LARGE1: variants seen among roughly 807,000 people sequenced by gnomAD.
LARGE1 encodes LARGE xylosyl- and glucuronyltransferase 1.
LARGE1 carries 43 observed loss-of-function variants against 87.6 expected under a neutral mutation model. The observed-to-expected ratio is 0.49, with a 90% CI of 0.38 to 0.63. The LOEUF (loss-of-function observed/expected upper bound fraction) is 0.63. Ranked by LOEUF, LARGE1 falls within the 30% of genes least tolerant of loss-of-function variation. The pLI, the probability that LARGE1 is intolerant of heterozygous loss-of-function variation, is 0.00. For missense variants in LARGE1, 802 were observed against 1,000.2 expected, an observed-to-expected ratio of 0.80 and a Z score of 2.67; for synonymous variants, 434 against 394.6, an observed-to-expected ratio of 1.10 and a Z score of -1.18.
At chr22:33,201,262 T>C (rs374907495) in intron 11 of LARGE1, among the ~76,000 whole-genome samples, 24 of 151,720 alleles carry the variant, frequency 1.6e-4, no homozygotes, top group African/African-American at 5.8e-4. Context: ...GAGCTGAGAC[T>C]GTGCCATTGC....
intron 11 of LARGE1, among the ~76,000 whole-genome samples, chr22:33,305,358 T>TAAAAA (rs60727771): frequency 6.1e-5 from 6 of 98,620 alleles, no homozygotes; most frequent in African/African-American, 1.7e-4. Context: ...GGGAAAAAAT[T>TAAAAA]AAAAAAAAAA....
At chr22:33,782,631 C>T (rs758320770) in intron 1 of LARGE1, among the ~76,000 whole-genome samples, 17 of 152,092 alleles carry the variant, frequency 1.1e-4, no homozygotes, top group Non-Finnish European at 2.2e-4. Context: ...CTTTGGGAGG[C>T]CGAGGCGGGC....
At chr22:33,542,621 C>T (rs1165463492) in intron 6 of LARGE1, among the ~76,000 whole-genome samples, 1 of 150,350 alleles carries the variant, frequency 6.7e-6, no homozygotes, top group Non-Finnish European at 1.5e-5. Flanking sequence ...GCCAGCAGGA[C>T]TTACTGGAAG....
At chr22:33,256,634 GGAA>G (rs1465359669) in intron 11 of LARGE1, among the ~76,000 whole-genome samples, 2 of 152,092 alleles carry the variant, frequency 1.3e-5, no homozygotes, top group East Asian at 3.9e-4. Context: ...TCATGCATGT[GGAA>G]GAAGAAAGAA....
chr22:33,775,517 C>CT (rs397783891), intron 1 of LARGE1, among the ~76,000 whole-genome samples: 2 of 151,548 alleles, frequency 1.3e-5, no homozygotes, highest in African/African-American at 4.9e-5. Flanking sequence ...TAATTTACCC[C>CT]AGGGGACATT....
At chr22:33,859,948 T>C (rs1307835741) in intron 1 of LARGE1, among the ~76,000 whole-genome samples, 1 of 152,156 alleles carries the variant, frequency 6.6e-6, no homozygotes, top group Admixed American at 6.5e-5. Context: ...AGAATGCTGC[T>C]TGCCAGGGGC....
intron 1 of LARGE1, among the ~76,000 whole-genome samples, chr22:33,852,939 G>A (rs1318814797): frequency 6.6e-6 from 1 of 151,190 alleles, no homozygotes; most frequent in Non-Finnish European, 1.5e-5. Flanking sequence ...AACAGAACAG[G>A]GTAAAGAGGG....
At chr22:33,818,107 T>A (rs959839062) in intron 1 of LARGE1, among the ~76,000 whole-genome samples, 6 of 152,176 alleles carry the variant, frequency 3.9e-5, no homozygotes, top group Non-Finnish European at 7.3e-5. Context: ...GGATGGTTCA[T>A]GTCTCCACCC....
At chr22:33,904,076 C>G (rs2065363378) in intron 1 of LARGE1, among the ~76,000 whole-genome samples, 1 of 152,186 alleles carries the variant, frequency 6.6e-6, no homozygotes, top group African/African-American at 2.4e-5. Context: ...CCCAGCTTCT[C>G]TCCTAGAATG....
rs562387061 is a variant in LARGE1 at position 33,399,141 on chromosome 22, C to T, written c.893-14837G>A. On this transcript the variant is annotated intron_variant, in intron 7 of 14. Transcript: ENST00000397394. ...CTAATTCTCTCCCTCCGCTTCCCCC[C>T]GCCCCGACCAAGAGGCCCCCATGTG... Among the ~76,000 whole-genome samples the T allele has an allele frequency of 2.6e-4, 39 of 152,212 alleles. No homozygotes were observed. In the Middle Eastern group the frequency reaches 0.014, roughly 53 times the overall value.
At chr22:33,766,695 G>A (rs1034604617) in intron 1 of LARGE1, among the ~76,000 whole-genome samples, 4 of 151,778 alleles carry the variant, frequency 2.6e-5, no homozygotes, top group African/African-American at 9.7e-5. Flanking sequence ...AAAGTGCTGG[G>A]ATTACAAGCA....
At position 33,334,416 on chromosome 22, in the gene LARGE1, AAAAAAAC is replaced by A. The variant is rs1174015798; in HGVS notation, c.1287+3223_1287+3229del. 5.2e-3 allele frequency among the ~76,000 whole-genome samples: 734 copies of A among 141,264 alleles called. 11 individuals are homozygous for A. Among genetic ancestry groups the A allele is most frequent in the Non-Finnish European group, 7.5e-3 (492 of 65,844 alleles). 92.7% of individuals were successfully genotyped at this position (141,264 alleles called of 152,430 possible). On this transcript the variant is annotated intron_variant, in intron 10 of 14. Coordinates refer to ENST00000397394, the MANE Select transcript of LARGE1 (RefSeq NM_133642.5). ...CAGAGCAAGACTCTGTCTCAAAAAA[AAAAAAAC>A]AAAAAAAAAAAACACCAAACAAAAA... is the stretch of plus-strand genomic sequence containing the variant.
At chr22:33,784,285 TTG>T (rs561195295) in intron 1 of LARGE1, among the ~76,000 whole-genome samples, 98 of 152,298 alleles carry the variant, frequency 6.4e-4, no homozygotes, top group African/African-American at 2.3e-3. Flanking sequence ...TTCACATACG[TTG>T]TCTTACTAAA....
At chr22:33,371,732 C>G (rs1469054088) in intron 9 of LARGE1, among the ~76,000 whole-genome samples, 2 of 152,098 alleles carry the variant, frequency 1.3e-5, no homozygotes, top group African/African-American at 4.8e-5. Context: ...CGCCTATAAT[C>G]CCAGCACTTT....
intron 5 of LARGE1, among the ~76,000 whole-genome samples, chr22:33,573,124 T>C (rs1368296281): frequency 1.3e-5 from 2 of 152,024 alleles, no homozygotes; most frequent in African/African-American, 4.8e-5. Flanking sequence ...TGACTGATGA[T>C]ACTAAGAGCA....
At chr22:33,152,588 G>A in the LARGE1 span, among the ~76,000 whole-genome samples, 4 of 151,862 alleles carry the variant, frequency 2.6e-5, no homozygotes, top group Non-Finnish European at 4.4e-5. Context: ...ATTTTTTAAT[G>A]GTTAAATTTT....
At chr22:33,552,009 A>AAC (rs2077537707) in intron 6 of LARGE1, among the ~76,000 whole-genome samples, 1 of 151,562 alleles carries the variant, frequency 6.6e-6, no homozygotes, top group African/African-American at 2.4e-5. Context: ...AAAAAAAAAA[A>AAC]AAAAAAGTGA....
intron 1 of LARGE1, among the ~76,000 whole-genome samples, chr22:33,908,025 G>C (rs1394563621): frequency 1.3e-5 from 2 of 152,154 alleles, no homozygotes; most frequent in Admixed American, 6.5e-5. Context: ...ATTGGTGAGA[G>C]GGGGAAGGTT....
At chr22:33,297,905 G>A (rs1293266695) in intron 12 of LARGE1, among the ~76,000 whole-genome samples, 2 of 150,134 alleles carry the variant, frequency 1.3e-5, no homozygotes, top group South Asian at 2.1e-4. Flanking sequence ...GCTTGAACCC[G>A]GGAGGCAGAG....
Sources: gnomAD v4.1 joint callset for allele counts (sites outside exome capture counted in the v4.1 genomes callset) on GRCh38, gnomAD v4.1.1 for gene constraint, MANE v1.5 for transcripts, NCBI Gene and HGNC (gene_info 2026-07-23, HGNC 2026-07-21) for gene names.